Variants in COLQ observed in about 807,000 individuals in gnomAD.
COLQ encodes the protein collagen like tail subunit of asymmetric acetylcholinesterase, also known as acetylcholinesterase collagenic tail peptide.
In COLQ, 48 loss-of-function variants were observed where a neutral mutation model predicts 69.0. The ratio of observed to expected loss-of-function variants is 0.70; its 90% CI spans 0.55 to 0.88. The LOEUF (loss-of-function observed/expected upper bound fraction) is 0.88, where lower values mean the gene tolerates loss of function less well. Among genes scored for constraint, COLQ ranks in the 40% least tolerant of loss-of-function variants. The pLI is 0.00. For synonymous variants in COLQ, 217 were observed against 211.2 expected (o/e 1.03, Z -0.24); for missense variants, 618 against 594.6 (o/e 1.04, Z -0.41).
chr3:15,465,235 G>T (rs7622376), intron 12 of COLQ, among the ~76,000 whole-genome samples: 109,312 of 135,584 alleles, frequency 0.81, 41,629 homozygotes, highest in East Asian at 0.91. Flanking sequence ...TTTATATTTT[G>T]ATTTATTTAT....
At chr3:15,465,640 G>C (rs2062189198) in intron 12 of COLQ, among the ~76,000 whole-genome samples, 1 of 105,076 alleles carries the variant, frequency 9.5e-6, no homozygotes, top group Non-Finnish European at 1.8e-5. Flanking sequence ...TTTGGAGACA[G>C]AGTTTCGAGA....
chr3:15,468,063 T>C (rs1175446197), intron 11 of COLQ, among the ~76,000 whole-genome samples: 1 of 152,166 alleles, frequency 6.6e-6, no homozygotes, highest in East Asian at 1.9e-4. Flanking sequence ...TAGCCACAGT[T>C]CAGTCTTGTT....
chr3:15,487,626 C>T lies in COLQ; in HGVS notation c.321+580G>A, dbSNP rs117304238. On this transcript the variant is annotated intron_variant, in intron 3 of 16. Coordinates refer to ENST00000383788, the MANE Select transcript of COLQ (RefSeq NM_005677.4). Reference sequence around the variant, plus strand: ...CTGTCCCTCACCGATGGAGCACCCTCTTGGAGGCAGGCCAGAGGGGCCAGG... The same window carrying T: ...CTGTCCCTCACCGATGGAGCACCCTTTTGGAGGCAGGCCAGAGGGGCCAGG... Among the ~76,000 whole-genome samples the T allele has an allele frequency of 4.1e-4, 63 of 152,370 alleles. 2 individuals carry two copies. The East Asian group carries it at 9.2e-3, about 22-fold the overall frequency.
Position 15,473,201 on chromosome 3 carries a change from G to A in COLQ, c.636+799C>T, listed in dbSNP as rs2062320207. Reference sequence around the variant, plus strand: ...AGGGTCTGCCTCTGTGGCCCAGGCTGGAGTGCAGTGGTGCAATCATGGCTT... The same window carrying A: ...AGGGTCTGCCTCTGTGGCCCAGGCTAGAGTGCAGTGGTGCAATCATGGCTT... On this transcript the variant is annotated intron_variant, in intron 10 of 16. Coordinates refer to ENST00000383788, the MANE Select transcript of COLQ (RefSeq NM_005677.4). The surrounding 1 kb of genome is among the most constrained non-coding windows in gnomAD (Gnocchi z 4.0). Among the ~76,000 whole-genome samples, 1 of 152,150 alleles carries A rather than the reference G, an allele frequency of 6.6e-6. No individual in the cohort carries two copies. The highest frequency in any genetic ancestry group is 1.5e-5 in the Non-Finnish European group (1 of 68,030).
chr3:15,485,600 C>G (rs753692994), intron 3 of COLQ, among the ~76,000 whole-genome samples: 1 of 152,190 alleles, frequency 6.6e-6, no homozygotes, highest in African/African-American at 2.4e-5. Context: ...TCTATCAGCA[C>G]ATTACAATTC....
At chr3:15,469,922 A>G (rs541835383) in intron 11 of COLQ, among the ~76,000 whole-genome samples, 1 of 152,304 alleles carries the variant, frequency 6.6e-6, no homozygotes, top group Admixed American at 6.5e-5. Flanking sequence ...CCATCCAAAG[A>G]TGTTTACCTC....
At chr3:15,495,666 C>T (rs1245451690) in intron 1 of COLQ, among the ~76,000 whole-genome samples, 1 of 152,136 alleles carries the variant, frequency 6.6e-6, no homozygotes, top group Admixed American at 6.5e-5. Flanking sequence ...AAACACCATG[C>T]CGAGCTCTGA....
intron 13 of COLQ, among the ~76,000 whole-genome samples, chr3:15,457,623 C>CTTTTTTTT (rs10643789): frequency 0.021 from 3,102 of 150,448 alleles, 86 homozygotes; most frequent in African/African-American, 0.068. Context: ...CAAAGTATAA[C>CTTTTTTTT]TTTTTTTGAG....
At chr3:15,465,242 T>G in intron 12 of COLQ, among the ~76,000 whole-genome samples, 1 of 145,982 alleles carries the variant, frequency 6.9e-6, no homozygotes, top group East Asian at 2.0e-4. Context: ...TTTGATTTAT[T>G]TATTTATTTA....
intron 13 of COLQ, 87 bp downstream of exon 13, chr3:15,458,099 T>G: frequency 6.7e-7 from 1 of 1,494,194 alleles, no homozygotes; most frequent in Non-Finnish European, 9.3e-7. Context: ...AAGTTAGTTT[T>G]ACTGAAAGGA....
At chr3:15,510,488 C>T (rs1257940321) in intron 1 of COLQ, among the ~76,000 whole-genome samples, 2 of 119,788 alleles carry the variant, frequency 1.7e-5, no homozygotes, top group Admixed American at 8.7e-5. Context: ...GCAGGTGGAT[C>T]GCTGACCCCA....
At chr3:15,518,781 A>G (rs1041567563) in intron 1 of COLQ, among the ~76,000 whole-genome samples, 1 of 152,172 alleles carries the variant, frequency 6.6e-6, no homozygotes, top group Non-Finnish European at 1.5e-5. Context: ...GCAGGTGATC[A>G]TGGAATCCCT....
At chr3:15,486,669 G>T (rs1475915562) in intron 3 of COLQ, among the ~76,000 whole-genome samples, 1 of 152,186 alleles carries the variant, frequency 6.6e-6, no homozygotes, top group Admixed American at 6.5e-5. Context: ...TTTTCTGCAG[G>T]CTTCCAAGCT....
rs77022246 is a variant in COLQ at position 15,519,840 on chromosome 3, A to G, written c.106+1680T>C. ...TTTGGTGCTATTTAAATTAAGTAAT[A>G]CAAAATGATGGTAAACCCCAGTTTG... is the stretch of plus-strand genomic sequence containing the variant. On this transcript the variant is annotated intron_variant, in intron 1 of 16. Transcript: ENST00000383788. Among the ~76,000 whole-genome samples the G allele has an allele frequency of 6.0e-3, 911 of 152,328 alleles. 7 individuals are homozygous for G. The highest frequency in any genetic ancestry group is 0.021 in the African/African-American group (867 of 41,572).
intron 3 of COLQ, among the ~76,000 whole-genome samples, chr3:15,483,245 C>T (rs969878461): frequency 6.6e-6 from 1 of 152,038 alleles, no homozygotes; most frequent in Non-Finnish European, 1.5e-5. Context: ...TATTTCTTGC[C>T]TTCTGCTAGC....
chr3:15,489,487 T>A (rs542160689), intron 2 of COLQ, 38 bp downstream of exon 2: 2 of 1,595,600 alleles, frequency 1.3e-6, no homozygotes, highest in East Asian at 2.2e-5. Flanking sequence ...CTGAGTAGCC[T>A]GCACTTTTTT....
intron 12 of COLQ, among the ~76,000 whole-genome samples, chr3:15,460,774 A>G (rs2062100319): frequency 6.6e-6 from 1 of 152,226 alleles, no homozygotes; most frequent in South Asian, 2.1e-4. Context: ...TGATATTTTC[A>G]GAAGAGCCCA....
chr3:15,462,520 C>T (rs1226994244), intron 12 of COLQ, among the ~76,000 whole-genome samples: 1 of 152,202 alleles, frequency 6.6e-6, no homozygotes, highest in African/African-American at 2.4e-5. Flanking sequence ...GAGATGGTCC[C>T]ACCCTGCTTG....
chr3:15,476,158 T>C (rs771929314), intron 6 of COLQ, among the ~76,000 whole-genome samples: 2 of 152,256 alleles, frequency 1.3e-5, no homozygotes, highest in Non-Finnish European at 2.9e-5. Context: ...AAATCTGCTA[T>C]GTAATTTACA....
Sources: gnomAD v4.1 joint callset for allele counts (sites outside exome capture counted in the v4.1 genomes callset) on GRCh38, gnomAD v4.1.1 for gene constraint, Gnocchi (gnomAD v3.1) non-coding constraint, MANE v1.5 for transcripts, NCBI Gene and HGNC (gene_info 2026-07-23, HGNC 2026-07-21) for gene names.